NAA30: variants seen among roughly 807,000 people sequenced by gnomAD.
NAA30 encodes N-alpha-acetyltransferase 30, NatC catalytic subunit.
Under a neutral mutation model 31.4 loss-of-function variants are expected in NAA30, and 5 were observed. That is an observed-to-expected ratio of 0.16 (90% CI 0.08 to 0.33). NAA30 has a LOEUF of 0.33. NAA30 is among the 10% of genes least tolerant of loss of function. The probability of loss-of-function intolerance (pLI) is 1.00; values close to 1 mark genes in which losing one functional copy is unlikely to be tolerated. For synonymous variants in NAA30, 222 were observed against 207.1 expected (o/e 1.07, Z -0.62); for missense variants, 428 against 490.8 (o/e 0.87, Z 1.21).
chr14:57,393,719 C>T (rs1293116610), intron 2 of NAA30, among the ~76,000 whole-genome samples: 2 of 151,916 alleles, frequency 1.3e-5, no homozygotes, highest in Non-Finnish European at 2.9e-5. Flanking sequence ...TATTTACTGA[C>T]AGAGGGGTAG....
At chr14:57,402,665 C>G (rs2066481970) in intron 4 of NAA30, among the ~76,000 whole-genome samples, 1 of 152,136 alleles carries the variant, frequency 6.6e-6, no homozygotes. Context: ...TCCAAAAATA[C>G]AGCGATTAAT....
At chr14:57,403,041 C>T (rs766043016) in intron 4 of NAA30, among the ~76,000 whole-genome samples, 4 of 152,054 alleles carry the variant, frequency 2.6e-5, no homozygotes, top group African/African-American at 7.2e-5. Flanking sequence ...ATTAGCTGGG[C>T]GTGGTGCCAC....
rs1408430710 is a variant in NAA30, at chr14:57,411,196, T to C, written c.*1680T>C. 1 of 152,132 alleles carries C rather than the reference T, an allele frequency of 6.6e-6. No homozygotes were observed. Among genetic ancestry groups the C allele is most frequent in the African/African-American group, 2.4e-5 (1 of 41,422 alleles). 9.4% of individuals were successfully genotyped at this position (152,132 alleles called of 1,614,324 possible). On this transcript the variant is annotated 3_prime_UTR_variant, in exon 5 of 5. Coordinates refer to ENST00000556492, the MANE Select transcript of NAA30 (RefSeq NM_001011713.3). ...AAAAACTTTCTGCTGGTGGGATTAT[T>C]TATAGTTCTTTATTTTTAAAGAAAA...
Position 57,390,636 on chromosome 14 carries a change from G to T in NAA30, c.-71G>T. On this transcript the variant is annotated 5_prime_UTR_variant, in exon 1 of 5. Transcript: ENST00000556492. ...CTTGGCGGCTGTGGAGGCTGCCGCGGCTGCGAAGGAGGCGGCGGCGGTGGC... is the reference window on the plus strand; with the variant it reads ...CTTGGCGGCTGTGGAGGCTGCCGCGTCTGCGAAGGAGGCGGCGGCGGTGGC... The T allele has an allele frequency of 2.8e-6, 1 of 353,420 alleles. No homozygotes were observed. The highest frequency in any genetic ancestry group is 5.1e-6 in the Non-Finnish European group (1 of 197,588). 21.9% of individuals were successfully genotyped at this position (353,420 alleles called of 1,614,324 possible).
At chr14:57,396,907 C>A in intron 3 of NAA30, 32 bp downstream of exon 3, 1 of 1,603,158 alleles carries the variant, frequency 6.2e-7, no homozygotes, top group South Asian at 1.1e-5. Context: ...GGAAAGAATG[C>A]CTAAGCTATT....
In NAA30 at chr14:57,402,425, T is replaced by G. The variant is rs558141130; in HGVS notation, c.951+2542T>G. Among the ~76,000 whole-genome samples the G allele has an allele frequency of 5.3e-5, 8 of 152,380 alleles. No homozygotes were observed. The South Asian group carries it at 1.7e-3, about 32-fold the overall frequency. ...GAGTACCTGCTTTGTAAATATTTTT[T>G]GAATGATCAGTTCTGTGCTTCCAGC... On this transcript the variant is annotated intron_variant, in intron 4 of 4. Coordinates refer to ENST00000556492, the MANE Select transcript of NAA30 (RefSeq NM_001011713.3).
rs76692755 is a variant in NAA30, at chr14:57,396,061, C to G, written c.772-691C>G. On this transcript the variant is annotated intron_variant, in intron 2 of 4. Coordinates refer to ENST00000556492, the MANE Select transcript of NAA30 (RefSeq NM_001011713.3). ...ACGATCTCAGCTCACTGTAGCCTCT[C>G]CCTTCCTGGCTCAAGCCATTCTCCT... Among the ~76,000 whole-genome samples the G allele has an allele frequency of 2.3e-3, 356 of 152,254 alleles. 8 individuals carry two copies. In the East Asian group the frequency reaches 0.057, roughly 24 times the overall value.
At chr14:57,405,849 C>T (rs942139834) in intron 4 of NAA30, among the ~76,000 whole-genome samples, 11 of 152,140 alleles carry the variant, frequency 7.2e-5, no homozygotes, top group Non-Finnish European at 7.4e-5. Flanking sequence ...CTATCTTAAG[C>T]AGTAATGTTT....
intron 4 of NAA30, among the ~76,000 whole-genome samples, chr14:57,402,336 A>G (rs1197031564): frequency 6.6e-6 from 1 of 152,234 alleles, no homozygotes; most frequent in Non-Finnish European, 1.5e-5. Flanking sequence ...AGCACAATGT[A>G]GGACAGAGAT....
chr14:57,404,582 A>G (rs1166652238), intron 4 of NAA30, among the ~76,000 whole-genome samples: 1 of 152,186 alleles, frequency 6.6e-6, no homozygotes, highest in East Asian at 1.9e-4. Context: ...AGCACGTTGT[A>G]TTAGTCCGTT....
rs1439574698 is a variant in NAA30 at position 57,415,151 on chromosome 14, G to C, written c.*5635G>C. The C allele has an allele frequency of 6.6e-6, 1 of 152,112 alleles. No individual in the cohort carries two copies. The highest frequency in any genetic ancestry group is 2.4e-5 in the African/African-American group (1 of 41,430). 9.4% of individuals were successfully genotyped at this position (152,112 alleles called of 1,614,324 possible). On this transcript the variant is annotated 3_prime_UTR_variant, in exon 5 of 5. Coordinates refer to ENST00000556492, the MANE Select transcript of NAA30 (RefSeq NM_001011713.3). ...ATAATTTACCATATACTAGGAGAAG[G>C]ACCTGCTTTTAAAGAAATTGTGTAA...
intron 2 of NAA30, among the ~76,000 whole-genome samples, chr14:57,394,566 A>AG (rs941828699): frequency 1.3e-5 from 2 of 152,144 alleles, no homozygotes; most frequent in Non-Finnish European, 2.9e-5. Context: ...GGAAAAAAAA[A>AG]TGCAGCATTG....
At chr14:57,408,288 A>G (rs768353658) in intron 4 of NAA30, among the ~76,000 whole-genome samples, 6 of 152,222 alleles carry the variant, frequency 3.9e-5, no homozygotes, top group Non-Finnish European at 7.3e-5. Flanking sequence ...TCTCAATGAA[A>G]TAAGTTGAGA....
At position 57,409,446 on chromosome 14, in the gene NAA30, G is replaced by A; in HGVS notation, c.1019G>A (p.Arg340Gln). 3 of 1,611,892 alleles carry A rather than the reference G, an allele frequency of 1.9e-6. No homozygotes were observed. Among genetic ancestry groups the A allele is most frequent in the Non-Finnish European group, 2.5e-6 (3 of 1,179,132 alleles). The stretch of plus-strand genomic sequence containing the variant: ...CTTTATGAAAATCTTGGTTTTGTTC[G>A]AGATAAGAGGCTGTTCAGATACTAT... ...LKLYENLGFV[R>Q]DKRLFRYYLN... The change falls in exon 5 of 5, where the codon CGA becomes CAA. Residue 340 changes from arginine to glutamine, a missense_variant. Physicochemically the swap from Arg to Gln is conservative, Grantham distance 43. Around this residue, in one of 2 missense-constraint regions of NAA30, gnomAD observed 79 missense variants for 180.3 expected, o/e 0.44. Transcript: ENST00000556492.
At chr14:57,396,982 A>G (rs1432722942) in intron 3 of NAA30, 107 bp downstream of exon 3, 1 of 1,085,418 alleles carries the variant, frequency 9.2e-7, no homozygotes, top group Non-Finnish European at 1.3e-6. Context: ...AAAGAAACTA[A>G]GGGAAGAAAA....
chr14:57,398,200 C>T (rs1189715098), intron 3 of NAA30, among the ~76,000 whole-genome samples: 2 of 152,068 alleles, frequency 1.3e-5, no homozygotes, highest in African/African-American at 4.8e-5. Context: ...TTAGGTTTAG[C>T]CAACTTTATT....
At position 57,391,048 on chromosome 14, in the gene NAA30, G is replaced by A; in HGVS notation, c.91G>A (p.Ala31Thr). 6.6e-7 allele frequency: 1 copy of A among 1,511,634 alleles called. No individual in the cohort carries two copies. The highest frequency in any genetic ancestry group is 8.8e-7 in the Non-Finnish European group (1 of 1,137,252). 93.6% of individuals were successfully genotyped at this position (1,511,634 alleles called of 1,614,324 possible). Residue 31 changes from alanine to threonine, a missense_variant, in exon 2 of 5, where the codon GCG (alanine) becomes ACG (threonine). Around this residue, in one of 2 missense-constraint regions of NAA30, gnomAD observed 349 missense variants for 310.4 expected, o/e 1.12. Transcript: ENST00000556492. The surrounding 1 kb of genome is among the most constrained non-coding windows in gnomAD (Gnocchi z 4.1). The part of the protein sequence containing the change: ...AAVEPRCPFP[A>T]GAALACCSED... ...GGTCGAGCCCCGCTGTCCCTTCCCG[G>A]CGGGGGCCGCCCTCGCCTGCTGCAG...
In NAA30 at chr14:57,395,908, TC is replaced by T. The variant is rs776651698; in HGVS notation, c.772-843del. Among the ~76,000 whole-genome samples, 3 of 152,302 alleles carry T rather than the reference TC, an allele frequency of 2.0e-5. No individual in the cohort carries two copies. In the East Asian group the frequency reaches 5.8e-4, roughly 29 times the overall value. On this transcript the variant is annotated intron_variant, in intron 2 of 4. Transcript: ENST00000556492. ...TTTAATTTTTTTTTCCTGATCGAAA[TC>T]TACCATTCAGGTGTAAATATGTATT...
intron 4 of NAA30, among the ~76,000 whole-genome samples, chr14:57,401,002 T>C (rs941354545): frequency 1.3e-5 from 2 of 152,072 alleles, no homozygotes; most frequent in African/African-American, 4.8e-5. Context: ...CTCTCAAGTG[T>C]TGTGATTACA....
Sources: gnomAD v4.1 joint callset for allele counts (sites outside exome capture counted in the v4.1 genomes callset) on GRCh38, gnomAD v4.1.1 for gene constraint, gnomAD v4.1.1 regional missense constraint, Gnocchi (gnomAD v3.1) non-coding constraint, MANE v1.5 for transcripts, NCBI Gene and HGNC (gene_info 2026-07-23, HGNC 2026-07-21) for gene names.